Variants in ANKRD28 observed in about 807,000 individuals in gnomAD.
ANKRD28 encodes the protein serine/threonine-protein phosphatase 6 regulatory ankyrin repeat subunit A.
In ANKRD28, 44 loss-of-function variants were observed where a neutral mutation model predicts 126.5. That is an observed-to-expected ratio of 0.35 (90% CI 0.27 to 0.45). The LOEUF is 0.45. Among genes scored for constraint, ANKRD28 ranks in the 20% least tolerant of loss-of-function variants. ANKRD28 has a pLI of 1.00. For missense variants in ANKRD28, 1,110 were observed against 1,316.6 expected, an observed-to-expected ratio of 0.84 and a Z score of 2.43; for synonymous variants, 442 against 468.5, an observed-to-expected ratio of 0.94 and a Z score of 0.73.
chr3:15,827,695 C>T (rs1202612936), intron 1 of ANKRD28, among the ~76,000 whole-genome samples: 2 of 152,100 alleles, frequency 1.3e-5, no homozygotes. Context: ...GATTCCTTGG[C>T]TATGGCACCA....
At chr3:15,735,385 A>C in intron 6 of ANKRD28, 25 bp downstream of exon 6, 1 of 1,505,174 alleles carries the variant, frequency 6.6e-7, no homozygotes, top group Non-Finnish European at 9.0e-7. Flanking sequence ...TATAATATCA[A>C]AAACTAAATT....
intron 1 of ANKRD28, among the ~76,000 whole-genome samples, chr3:15,850,224 TAGAGAGAGAGAGAGAG>T (rs375278547): frequency 5.7e-5 from 2 of 35,112 alleles, no homozygotes; most frequent in African/African-American, 1.6e-4. Context: ...TATATATATA[TAGAGAGAGAGAGAGAG>T]AGAGAGAGAG....
chr3:15,771,746 A>G (rs2059022677), intron 2 of ANKRD28, among the ~76,000 whole-genome samples: 1 of 152,198 alleles, frequency 6.6e-6, no homozygotes, highest in South Asian at 2.1e-4. Context: ...AAACGATATC[A>G]TTTATTTTCA....
chr3:15,688,676 C>T (rs2068433120), intron 18 of ANKRD28, among the ~76,000 whole-genome samples: 1 of 152,142 alleles, frequency 6.6e-6, no homozygotes, highest in Non-Finnish European at 1.5e-5. Flanking sequence ...AAATCCAAGA[C>T]ATATATTCAA....
intron 1 of ANKRD28, among the ~76,000 whole-genome samples, chr3:15,857,099 T>A (rs2061789822): frequency 6.6e-6 from 1 of 152,212 alleles, no homozygotes; most frequent in East Asian, 1.9e-4. Flanking sequence ...ATTTTTACCA[T>A]CAATTCCAAT....
At chr3:15,743,037 ATTC>A (rs1174099614) in intron 4 of ANKRD28, among the ~76,000 whole-genome samples, 1 of 152,054 alleles carries the variant, frequency 6.6e-6, no homozygotes, top group East Asian at 1.9e-4. Flanking sequence ...ACTAAGAAAA[ATTC>A]TTCTGCCTTG....
intron 21 of ANKRD28, among the ~76,000 whole-genome samples, chr3:15,682,653 CATTTTA>C (rs961849327): frequency 2.6e-5 from 4 of 152,306 alleles, no homozygotes; most frequent in African/African-American, 7.2e-5. Flanking sequence ...GCCATCATTT[CATTTTA>C]ATTTTAAGAG....
intron 2 of ANKRD28, among the ~76,000 whole-genome samples, chr3:15,788,135 T>C (rs897342115): frequency 2.0e-5 from 3 of 152,286 alleles, no homozygotes; most frequent in African/African-American, 7.2e-5. Flanking sequence ...GACATTTTTA[T>C]CTACCAAAAA....
intron 2 of ANKRD28, among the ~76,000 whole-genome samples, chr3:15,783,716 C>T (rs964442791): frequency 2.0e-5 from 3 of 151,906 alleles, no homozygotes; most frequent in Admixed American, 2.0e-4. Flanking sequence ...CATGCCACAA[C>T]CTAGATGAAT....
chr3:15,743,819 T>C (rs1474685335), intron 4 of ANKRD28, among the ~76,000 whole-genome samples: 3 of 152,210 alleles, frequency 2.0e-5, no homozygotes, highest in Admixed American at 2.0e-4. Context: ...GAAGCAGTCT[T>C]TCTTAACCTA....
At chr3:15,792,820 CATAAAT>C (rs1471716101) in intron 2 of ANKRD28, among the ~76,000 whole-genome samples, 4 of 152,026 alleles carry the variant, frequency 2.6e-5, no homozygotes, top group African/African-American at 9.7e-5. Flanking sequence ...CCATGTACCC[CATAAAT>C]ATAGACACCT....
At chr3:15,722,197 G>A (rs1166230341) in intron 7 of ANKRD28, among the ~76,000 whole-genome samples, 2 of 152,304 alleles carry the variant, frequency 1.3e-5, no homozygotes, top group Non-Finnish European at 2.9e-5. Context: ...TCTCTATTTA[G>A]AGTGGGAGCT....
rs1311311005 is a variant in ANKRD28, at chr3:15,843,815, A to G, written c.27+15562T>C. Among the ~76,000 whole-genome samples the G allele has an allele frequency of 6.6e-6, 1 of 152,186 alleles. No homozygotes were observed. The highest frequency in any genetic ancestry group is 1.9e-4 in the East Asian group (1 of 5,202). ...AGAAATCAAAATGTAGAAATAAAACAATTTACAATAAGCAAGGGTATCAAT... is the reference window on the plus strand; with the variant it reads ...AGAAATCAAAATGTAGAAATAAAACGATTTACAATAAGCAAGGGTATCAAT... On this transcript the variant is annotated intron_variant, in intron 1 of 27. Coordinates refer to the ANKRD28 transcript ENST00000399451. This position sits in a 1 kb window ranked among gnomAD's most constrained non-coding sequence, Gnocchi z 5.2.
intron 1 of ANKRD28, among the ~76,000 whole-genome samples, chr3:15,859,139 C>T (rs1391779258): frequency 6.6e-6 from 1 of 152,224 alleles, no homozygotes; most frequent in East Asian, 1.9e-4. Context: ...ACCCGCCCCT[C>T]TTGCTGCAGC....
chr3:15,804,504 T>C (rs13097947), intron 1 of ANKRD28, among the ~76,000 whole-genome samples: 77,086 of 144,870 alleles, frequency 0.53, 26,579 homozygotes, highest in East Asian at 0.74. Flanking sequence ...TATCACATTT[T>C]TCAGAAAATG....
At chr3:15,706,075 G>C (rs1421301188) in intron 14 of ANKRD28, among the ~76,000 whole-genome samples, 1 of 150,304 alleles carries the variant, frequency 6.7e-6, no homozygotes, top group Non-Finnish European at 1.5e-5. Context: ...TTTTTTTTGT[G>C]TGTGTGTGAT....
At chr3:15,705,432 A>C (rs1205623927) in intron 14 of ANKRD28, among the ~76,000 whole-genome samples, 7 of 152,184 alleles carry the variant, frequency 4.6e-5, no homozygotes, top group Admixed American at 4.6e-4. Flanking sequence ...CTCTCAGCGG[A>C]ATCTGGATCA....
rs1454899881 is a variant in ANKRD28 at position 15,797,145 on chromosome 3, C to T, written c.-624G>A. Reference sequence around the variant, plus strand: ...AAAGATCTAGAGCTCAGCACAAATCCTGAAAATGAAGCTCAGAGGTTAACA... The same window carrying T: ...AAAGATCTAGAGCTCAGCACAAATCTTGAAAATGAAGCTCAGAGGTTAACA... On this transcript the variant is annotated 5_prime_UTR_variant, in exon 1 of 28. Coordinates refer to ENST00000683139, the MANE Select transcript of ANKRD28 (RefSeq NM_001349278.2). 4.1e-6 allele frequency: 4 copies of T among 983,480 alleles called. No individual in the cohort carries two copies. Among genetic ancestry groups the T allele is most frequent in the Non-Finnish European group, 3.6e-6 (3 of 829,686 alleles). 60.9% of individuals were successfully genotyped at this position (983,480 alleles called of 1,614,324 possible).
intron 25 of ANKRD28, 53 bp from the exon 26 acceptor site, chr3:15,677,109 T>C: frequency 1.4e-6 from 2 of 1,396,174 alleles, no homozygotes; most frequent in Non-Finnish European, 2.0e-6. Context: ...AAAGATACAT[T>C]TATACACCCA....
Sources: gnomAD v4.1 joint callset for allele counts (sites outside exome capture counted in the v4.1 genomes callset) on GRCh38, gnomAD v4.1.1 for gene constraint, Gnocchi (gnomAD v3.1) non-coding constraint, MANE v1.5 for transcripts, NCBI Gene and HGNC (gene_info 2026-07-23, HGNC 2026-07-21) for gene names.